Variants in FBN1 observed in about 807,000 individuals in gnomAD.
FBN1 encodes the protein fibrillin-1.
FBN1 carries 29 observed loss-of-function variants against 365.1 expected under a neutral mutation model. The ratio of observed to expected loss-of-function variants is 0.08; its 90% CI spans 0.06 to 0.11. FBN1 has a LOEUF of 0.11. FBN1 is among the 10% of genes least tolerant of loss of function. The pLI is 1.00. For missense variants in FBN1, 2,476 were observed against 3,703.2 expected (o/e 0.67, Z 8.60); for synonymous variants, 1,210 against 1,270.5 (o/e 0.95, Z 1.01).
chr15:48,578,591 T>TA (rs765698528), intron 6 of FBN1, among the ~76,000 whole-genome samples: 1 of 152,048 alleles, frequency 6.6e-6, no homozygotes, highest in Non-Finnish European at 1.5e-5. Context: ...ATCGCCACAT[T>TA]GACTTCCACA....
At chr15:48,521,627 C>T (rs1008263201) in intron 9 of FBN1, among the ~76,000 whole-genome samples, 1 of 152,184 alleles carries the variant, frequency 6.6e-6, no homozygotes, top group Non-Finnish European at 1.5e-5. Context: ...TGCAGCGCAG[C>T]TCTGGGTTAC....
chr15:48,559,316 A>G (rs2044205843), intron 6 of FBN1, among the ~76,000 whole-genome samples: 1 of 152,196 alleles, frequency 6.6e-6, no homozygotes, highest in African/African-American at 2.4e-5. Flanking sequence ...TTCGAAAGGG[A>G]GCTTGATCCA....
intron 22 of FBN1, 91 bp downstream of exon 22, chr15:48,495,032 T>A: frequency 6.7e-7 from 1 of 1,497,884 alleles, no homozygotes; most frequent in Admixed American, 1.8e-5. Flanking sequence ...AAAATTCTCA[T>A]GTGAGCCTAG....
Position 48,425,842 on chromosome 15 carries a change from A to T in FBN1, c.7227T>A (p.Ile2409=), listed in dbSNP as rs2042976009. The T allele has an allele frequency of 6.2e-7, 1 of 1,611,208 alleles. No homozygotes were observed. The highest frequency in any genetic ancestry group is 1.3e-5 in the African/African-American group (1 of 74,840). ...NGADIDECKV[I]HDVCRNGECV... ...ATTCCCCATTTCGGCAAACATCGTG[A>T]ATAACCTTGCATTCATCGATATCTG... The change falls in exon 59 of 66, where the codon ATT becomes ATA. Residue 2409 remains isoleucine, a synonymous_variant. Coordinates refer to ENST00000316623, the MANE Select transcript of FBN1 (RefSeq NM_000138.5).
At chr15:48,424,204 G>A (rs891860989) in intron 60 of FBN1, among the ~76,000 whole-genome samples, 23 of 152,202 alleles carry the variant, frequency 1.5e-4, no homozygotes, top group African/African-American at 5.5e-4. Context: ...TTTAGAATGT[G>A]TAAGTAGGTC....
At chr15:48,483,644 A>G (rs2043483271) in intron 31 of FBN1, among the ~76,000 whole-genome samples, 174 bp downstream of exon 31, 1 of 152,242 alleles carries the variant, frequency 6.6e-6, no homozygotes, top group Admixed American at 6.5e-5. Context: ...GTACCATTTA[A>G]TAGCCACAAG....
Position 48,503,501 on chromosome 15 carries a change from C to T in FBN1, c.2113+286G>A, listed in dbSNP as rs1597573953. 2.0e-5 allele frequency among the ~76,000 whole-genome samples: 3 copies of T among 152,164 alleles called. No individual in the cohort carries two copies. In the South Asian group the frequency reaches 6.2e-4, roughly 32 times the overall value. On this transcript the variant is annotated intron_variant, in intron 17 of 65. Transcript: ENST00000316623. ...TCTGCAAAATGCAAACATCATGAAA[C>T]AACTTTAGAAAACAAGGCAAGGTGC...
At position 48,530,229 on chromosome 15, in the gene FBN1, C is replaced by A. The variant is rs1186590931; in HGVS notation, c.862+3851G>T. ...GTCTGAATTCTTATCCATGCTGCAT[C>A]CGCCGCCTGATCACAACTTGAAAAT... On this transcript the variant is annotated intron_variant, in intron 8 of 65. Coordinates refer to ENST00000316623, the MANE Select transcript of FBN1 (RefSeq NM_000138.5). 2.8e-5 allele frequency among the ~76,000 whole-genome samples: 4 copies of A among 140,544 alleles called. 1 individual carries two copies. In the East Asian group the frequency reaches 8.6e-4, roughly 30 times the overall value. 92.2% of individuals were successfully genotyped at this position (140,544 alleles called of 152,430 possible).
At chr15:48,531,863 T>C (rs912504652) in intron 8 of FBN1, among the ~76,000 whole-genome samples, 4 of 152,098 alleles carry the variant, frequency 2.6e-5, no homozygotes, top group Admixed American at 6.5e-5. Context: ...CAATTTTGCA[T>C]TGATACTAGA....
At chr15:48,635,439 AT>A (rs1446280886) in intron 2 of FBN1, among the ~76,000 whole-genome samples, 1 of 152,224 alleles carries the variant, frequency 6.6e-6, no homozygotes, top group Admixed American at 6.5e-5. Flanking sequence ...TGGCTACTCC[AT>A]TTATAAGAAA....
chr15:48,411,902 T>C (rs370769596), intron 65 of FBN1, among the ~76,000 whole-genome samples: 8 of 152,390 alleles, frequency 5.2e-5, no homozygotes, highest in South Asian at 2.1e-4. Context: ...ATTTGATTCA[T>C]TGACGTAAAA....
At chr15:48,567,700 C>T (rs552626724) in intron 6 of FBN1, among the ~76,000 whole-genome samples, 1 of 152,138 alleles carries the variant, frequency 6.6e-6, no homozygotes, top group South Asian at 2.1e-4. Context: ...AATAGAATAA[C>T]AGACAAAAAC....
chr15:48,629,546 T>G (rs1308223393), intron 2 of FBN1, among the ~76,000 whole-genome samples: 1 of 152,232 alleles, frequency 6.6e-6, no homozygotes, highest in Non-Finnish European at 1.5e-5. Context: ...GTAAACAGAA[T>G]AATGTTATTG....
chr15:48,452,851 A>G (rs1411147632), intron 44 of FBN1, among the ~76,000 whole-genome samples, 167 bp from the exon 45 acceptor site: 2 of 152,256 alleles, frequency 1.3e-5, no homozygotes, highest in Non-Finnish European at 2.9e-5. Flanking sequence ...GGAAGCAACC[A>G]AGATGTCCTT....
chr15:48,415,826 A>G lies in FBN1; in HGVS notation c.7820-59T>C, dbSNP rs1271545364. 3.5e-6 allele frequency: 5 copies of G among 1,443,088 alleles called. No individual in the cohort carries two copies. In the African/African-American group the frequency reaches 7.0e-5, roughly 20 times the overall value. 89.4% of individuals were successfully genotyped at this position (1,443,088 alleles called of 1,614,324 possible). A position where few individuals can be genotyped will look rare whatever the true frequency, so the allele number is the denominator to read the frequency against. On this transcript the variant is annotated intron_variant, in intron 63 of 65. Coordinates refer to ENST00000316623, the MANE Select transcript of FBN1 (RefSeq NM_000138.5). The stretch of plus-strand genomic sequence containing the variant: ...GCAGCCAGAGATTTCTATTGAGGAC[A>G]TTGGATCTGGCCACTTGCTGCCGGC...
At chr15:48,627,448 A>T (rs1424885862) in intron 2 of FBN1, among the ~76,000 whole-genome samples, 1 of 152,190 alleles carries the variant, frequency 6.6e-6, no homozygotes, top group Admixed American at 6.5e-5. Context: ...AAGATTCAAC[A>T]TGTGGATAAT....
intron 44 of FBN1, among the ~76,000 whole-genome samples, chr15:48,454,797 T>A (rs887649890): frequency 2.6e-4 from 39 of 152,298 alleles, no homozygotes; most frequent in African/African-American, 9.1e-4. Context: ...GGGGTTCCTG[T>A]CTAAGGCAGG....
chr15:48,631,824 G>A (rs1051743645), intron 2 of FBN1, among the ~76,000 whole-genome samples: 3 of 152,112 alleles, frequency 2.0e-5, no homozygotes, highest in South Asian at 4.1e-4. Flanking sequence ...CAAGAATAGC[G>A]CACCACCTTG....
rs900931135 is a variant in FBN1, at chr15:48,488,013, G to A, written c.3337+100C>T. On this transcript the variant is annotated intron_variant, in intron 27 of 65. Coordinates refer to ENST00000316623, the MANE Select transcript of FBN1 (RefSeq NM_000138.5). ...AGACTGATTCCTAACTTCACTGGTT[G>A]CACTGGGGCAGCAGGAAGAACCTGG... 3.3e-5 allele frequency: 48 copies of A among 1,455,996 alleles called. No individual in the cohort carries two copies. The Middle Eastern group carries it at 8.6e-4, about 26-fold the overall frequency. The allele number at this position is 1,455,996 out of a possible 1,614,324, so 90.2% of individuals were successfully genotyped here. A position where few individuals can be genotyped will look rare whatever the true frequency, so the allele number is the denominator to read the frequency against.
Sources: allele counts gnomAD v4.1 joint callset (sites outside exome capture counted in the v4.1 genomes callset), GRCh38; gene constraint gnomAD v4.1.1; transcripts MANE v1.5; gene names NCBI Gene and HGNC (gene_info 2026-07-23, HGNC 2026-07-21).